ST6GALNAC3: variants seen among roughly 807,000 people sequenced by gnomAD.
ST6GALNAC3 encodes alpha-N-acetylgalactosaminide alpha-2,6-sialyltransferase 3.
In ST6GALNAC3, 25 loss-of-function variants were observed where a neutral mutation model predicts 32.7. The ratio of observed to expected loss-of-function variants is 0.76; its 90% CI spans 0.56 to 1.07. ST6GALNAC3 has a LOEUF of 1.07. ST6GALNAC3 is among the 50% of genes least tolerant of loss of function. The probability of loss-of-function intolerance (pLI) is 0.00; values close to 1 mark genes in which losing one functional copy is unlikely to be tolerated. For missense variants in ST6GALNAC3, 355 were observed against 382.4 expected (o/e 0.93, Z 0.60); for synonymous variants, 129 against 133.1 (o/e 0.97, Z 0.21).
intron 3 of ST6GALNAC3, among the ~76,000 whole-genome samples, chr1:76,547,537 G>C (rs1664367299): frequency 6.6e-6 from 1 of 152,280 alleles, no homozygotes. Context: ...AGGCAATGGA[G>C]GGGGTGTAGA....
At chr1:76,180,614 C>G in intron 1 of ST6GALNAC3, among the ~76,000 whole-genome samples, 1 of 151,946 alleles carries the variant, frequency 6.6e-6, no homozygotes, top group Non-Finnish European at 1.5e-5. Context: ...GATGAGGAGA[C>G]GAACAGATGA....
chr1:76,264,100 A>G (rs575764179), intron 1 of ST6GALNAC3, among the ~76,000 whole-genome samples: 2 of 152,300 alleles, frequency 1.3e-5, no homozygotes, highest in African/African-American at 4.8e-5. Context: ...AGCTGGAAGG[A>G]GCCATGGAGA....
In ST6GALNAC3 at chr1:76,629,323, T is replaced by C. The variant is rs1649174395; in HGVS notation, c.*517T>C. On this transcript the variant is annotated 3_prime_UTR_variant, in exon 5 of 5. Coordinates refer to ENST00000328299, the MANE Select transcript of ST6GALNAC3 (RefSeq NM_152996.4). ...TACTTAGCCTAAGGATGGGAAAATA[T>C]CTCTTCCTAATATACCATCTTTCTA... is the stretch of plus-strand genomic sequence containing the variant. The C allele has an allele frequency of 1.0e-6, 1 of 985,920 alleles. No individual in the cohort carries two copies. Among genetic ancestry groups the C allele is most frequent in the African/African-American group, 1.7e-5 (1 of 57,308 alleles). The allele number at this position is 985,920 out of a possible 1,614,324, so 61.1% of individuals were successfully genotyped here.
chr1:76,349,821 T>G (rs967893793), intron 2 of ST6GALNAC3, among the ~76,000 whole-genome samples: 4 of 152,194 alleles, frequency 2.6e-5, no homozygotes, highest in African/African-American at 9.6e-5. Context: ...TTTCTAGGTT[T>G]AAATAACAAA....
intron 1 of ST6GALNAC3, among the ~76,000 whole-genome samples, chr1:76,082,803 A>G (rs192047756): frequency 3.6e-4 from 54 of 151,962 alleles, no homozygotes; most frequent in Non-Finnish European, 5.7e-4. Flanking sequence ...TGAGAGAGTG[A>G]GGGAGAATTT....
rs150998251 is a variant in ST6GALNAC3, at chr1:76,534,410, T to C, written c.624-93042T>C. 3.7e-3 allele frequency among the ~76,000 whole-genome samples: 565 copies of C among 152,260 alleles called. 4 individuals carry two copies. Among genetic ancestry groups the C allele is most frequent in the Non-Finnish European group, 5.6e-3 (382 of 68,016 alleles). ...ATGGTAGGCAACCACCACCTTTAAC[T>C]CTTCGCTGTCTTCATAATGTACACA... On this transcript the variant is annotated intron_variant, in intron 3 of 4. Transcript: ENST00000328299.
intron 1 of ST6GALNAC3, chr1:76,310,103 G>T (rs1328358038): frequency 7.7e-6 from 3 of 388,722 alleles, no homozygotes; most frequent in East Asian, 1.6e-4. Context: ...GCTGAGCTCT[G>T]AATAAACAAA....
chr1:76,418,319 T>A (rs376771019), intron 3 of ST6GALNAC3, among the ~76,000 whole-genome samples: 151 of 152,230 alleles, frequency 9.9e-4, no homozygotes, highest in African/African-American at 3.6e-3. Context: ...TTGGGAATCC[T>A]CTTGTAGGTC....
At chr1:76,581,093 T>C (rs1356931812) in intron 3 of ST6GALNAC3, among the ~76,000 whole-genome samples, 1 of 152,158 alleles carries the variant, frequency 6.6e-6, no homozygotes, top group Non-Finnish European at 1.5e-5. Flanking sequence ...CTGAATTGTT[T>C]AGTGCTGAGA....
chr1:76,173,123 G>T (rs189441111), intron 1 of ST6GALNAC3, among the ~76,000 whole-genome samples: 222 of 152,272 alleles, frequency 1.5e-3, no homozygotes, highest in Middle Eastern at 3.4e-3. Flanking sequence ...GCATGGTACT[G>T]GTACCAAAAC....
chr1:76,589,724 G>C (rs1647018425), intron 3 of ST6GALNAC3, among the ~76,000 whole-genome samples: 1 of 151,556 alleles, frequency 6.6e-6, no homozygotes, highest in African/African-American at 2.4e-5. Context: ...ATACTGACTT[G>C]TTCTAAGGGT....
Position 76,460,381 on chromosome 1 carries a change from T to C in ST6GALNAC3, c.623+47964T>C, listed in dbSNP as rs1193913618. ...CTATAGACAAAATAAAAGCTACTTG[T>C]TGGCTGTTTTATTGGAAATCACACA... On this transcript the variant is annotated intron_variant, in intron 3 of 4. Transcript: ENST00000328299. Among the ~76,000 whole-genome samples, 4 of 152,176 alleles carry C rather than the reference T, an allele frequency of 2.6e-5. 1 individual carries two copies. The South Asian group carries it at 8.3e-4, about 32-fold the overall frequency.
At chr1:76,569,517 A>G (rs1665742276) in intron 3 of ST6GALNAC3, among the ~76,000 whole-genome samples, 1 of 152,182 alleles carries the variant, frequency 6.6e-6, no homozygotes, top group South Asian at 2.1e-4. Flanking sequence ...GTTCAAAATA[A>G]AATCATGTTA....
chr1:76,399,792 T>C (rs951519817), intron 2 of ST6GALNAC3, among the ~76,000 whole-genome samples: 1 of 152,220 alleles, frequency 6.6e-6, no homozygotes, highest in Non-Finnish European at 1.5e-5. Context: ...ACAGAGGTCT[T>C]GCACATCATT....
At chr1:76,440,273 G>C (rs1418484655) in intron 3 of ST6GALNAC3, among the ~76,000 whole-genome samples, 2 of 152,194 alleles carry the variant, frequency 1.3e-5, no homozygotes, top group Non-Finnish European at 2.9e-5. Context: ...TTAGGTGCCA[G>C]ATCAGAAAGG....
Position 76,179,622 on chromosome 1 carries a change from G to T in ST6GALNAC3, c.18+104738G>T, listed in dbSNP as rs1185999622. Among the ~76,000 whole-genome samples, 8 of 152,242 alleles carry T rather than the reference G, an allele frequency of 5.3e-5. 1 individual carries two copies. In the South Asian group the frequency reaches 1.7e-3, roughly 32 times the overall value. On this transcript the variant is annotated intron_variant, in intron 1 of 4. Coordinates refer to ENST00000328299, the MANE Select transcript of ST6GALNAC3 (RefSeq NM_152996.4). ...CCTGTCTCTTAGAGTGAAAACCAAAGACTTTATAGTGTCCTACAAAACCCT... is the reference window on the plus strand; with the variant it reads ...CCTGTCTCTTAGAGTGAAAACCAAATACTTTATAGTGTCCTACAAAACCCT...
At chr1:76,305,781 T>C in intron 1 of ST6GALNAC3, 1 of 419,994 alleles carries the variant, frequency 2.4e-6, no homozygotes, top group Non-Finnish European at 4.8e-6. Context: ...ATGAGTGTTA[T>C]CAGTTAGAGA....
At chr1:76,291,184 A>G (rs1004914360) in intron 1 of ST6GALNAC3, among the ~76,000 whole-genome samples, 6 of 152,232 alleles carry the variant, frequency 3.9e-5, no homozygotes, top group African/African-American at 1.4e-4. Flanking sequence ...AGAGAATCCA[A>G]GCTTCTTTTT....
chr1:76,171,870 AGATTCAC>A (rs1374460962), intron 1 of ST6GALNAC3, among the ~76,000 whole-genome samples: 2 of 17,060 alleles, frequency 1.2e-4, no homozygotes, highest in East Asian at 0.071. Context: ...AGGACCAGAC[AGATTCAC>A]AGATTCACAG....
Sources: allele counts gnomAD v4.1 joint callset (sites outside exome capture counted in the v4.1 genomes callset), GRCh38; gene constraint gnomAD v4.1.1; transcripts MANE v1.5; gene names NCBI Gene and HGNC (gene_info 2026-07-23, HGNC 2026-07-21).